Variants in PYGO1 observed in about 807,000 individuals in gnomAD.
The protein encoded by PYGO1 is pygopus family PHD finger 1.
A neutral mutation model predicts 29.5 loss-of-function variants in PYGO1; 6 were observed. The ratio of observed to expected loss-of-function variants is 0.20; its 90% CI spans 0.11 to 0.40. The LOEUF (loss-of-function observed/expected upper bound fraction) is 0.40. Ranked by LOEUF, PYGO1 falls within the 10% of genes least tolerant of loss-of-function variation. The pLI is 1.00. For missense variants in PYGO1, 515 were observed against 514.9 expected (o/e 1.00, Z 0.00); for synonymous variants, 186 against 180.5 (o/e 1.03, Z -0.24).
intron 1 of PYGO1, among the ~76,000 whole-genome samples, chr15:55,567,903 T>C (rs2058963880): frequency 6.6e-6 from 1 of 152,174 alleles, no homozygotes; most frequent in Non-Finnish European, 1.5e-5. Context: ...TGGCTACAAG[T>C]ATGTGGCTTT....
chr15:55,546,134 A>G lies in PYGO1; in HGVS notation c.1149T>C (p.Thr383=). 1 of 1,614,196 alleles carries G rather than the reference A, an allele frequency of 6.2e-7. No individual in the cohort carries two copies. The highest frequency in any genetic ancestry group is 8.5e-7 in the Non-Finnish European group (1 of 1,180,028). ...AGCCCCATACTGCAGATGCTTCTGC[A>G]GTTAAGAGGCCATAAGCTGTTTCAG... ...GMTETAYGLL[T]AEASAVWGCD... Residue 383 remains threonine, a synonymous_variant, in exon 3 of 3, where the codon ACT becomes ACC. Coordinates refer to ENST00000563719, the MANE Select transcript of PYGO1 (RefSeq NM_001367806.1).
chr15:55,549,003 A>G lies in PYGO1; in HGVS notation c.50-8T>C. On this transcript the variant is annotated splice_polypyrimidine_tract_variant and splice_region_variant and intron_variant, in intron 1 of 2. Transcript: ENST00000563719. ...CCAGTCCACTATCACCACCTAAAAA[A>G]AAAAAAATTCAGGTAATATTTCCCA... 1 of 1,594,976 alleles carries G rather than the reference A, an allele frequency of 6.3e-7. No homozygotes were observed. The highest frequency in any genetic ancestry group is 1.2e-5 in the South Asian group (1 of 86,400).
chr15:55,588,458 C>T (rs1436251173), upstream of PYGO1, among the ~76,000 whole-genome samples: 1 of 147,904 alleles, frequency 6.8e-6, no homozygotes, highest in Non-Finnish European at 1.5e-5. Context: ...CGGGGACGGG[C>T]TTCGGGGGGC....
intron 1 of PYGO1, among the ~76,000 whole-genome samples, chr15:55,574,192 T>C (rs2058991765): frequency 6.6e-6 from 1 of 152,206 alleles, no homozygotes; most frequent in Admixed American, 6.5e-5. Flanking sequence ...TGCAATTTAT[T>C]GGAGAAATGA....
intron 1 of PYGO1, among the ~76,000 whole-genome samples, chr15:55,585,744 A>G (rs1481605167): frequency 2.0e-5 from 3 of 152,236 alleles, no homozygotes; most frequent in Non-Finnish European, 4.4e-5. Context: ...ATTTAGAATT[A>G]AATTTGATTA....
chr15:55,544,642 A>C lies in PYGO1; in HGVS notation c.*1381T>G, dbSNP rs943686838. ...ATTGTTTCACTTGGGTTTAAATAAC[A>C]GTAATTATTTATCTCTTTCGTAGAT... On this transcript the variant is annotated 3_prime_UTR_variant, in exon 3 of 3. Coordinates refer to ENST00000563719, the MANE Select transcript of PYGO1 (RefSeq NM_001367806.1). 6.6e-6 allele frequency: 1 copy of C among 152,244 alleles called. No individual in the cohort carries two copies. Among genetic ancestry groups the C allele is most frequent in the East Asian group, 1.9e-4 (1 of 5,206 alleles). The allele number at this position is 152,244 out of a possible 1,614,324, so 9.4% of individuals were successfully genotyped here. A position where few individuals can be genotyped will look rare whatever the true frequency, so the allele number is the denominator to read the frequency against.
intron 1 of PYGO1, among the ~76,000 whole-genome samples, chr15:55,573,811 T>C (rs933437079): frequency 6.6e-6 from 1 of 152,228 alleles, no homozygotes; most frequent in Non-Finnish European, 1.5e-5. Context: ...ATATGTTATA[T>C]GTTGTATTAC....
rs2058818250 is a variant in PYGO1, at chr15:55,539,023, C to T, written c.*7000G>A. The T allele has an allele frequency of 1.3e-5, 2 of 152,136 alleles. No individual in the cohort carries two copies. Among genetic ancestry groups the T allele is most frequent in the South Asian group, 4.1e-4 (2 of 4,832 alleles). 9.4% of individuals were successfully genotyped at this position (152,136 alleles called of 1,614,324 possible). On this transcript the variant is annotated 3_prime_UTR_variant, in exon 3 of 3. Coordinates refer to ENST00000563719, the MANE Select transcript of PYGO1 (RefSeq NM_001367806.1). ...AATGGTAGGTCTATATACTGATAAACAACATTCCTTATACAACGCACAAAT... is the reference window on the plus strand; with the variant it reads ...AATGGTAGGTCTATATACTGATAAATAACATTCCTTATACAACGCACAAAT...
chr15:55,546,093 G>C lies in PYGO1; in HGVS notation c.1190C>G (p.Ala397Gly), dbSNP rs1361678317. 1.2e-6 allele frequency: 2 copies of C among 1,614,176 alleles called. No homozygotes were observed. The highest frequency in any genetic ancestry group is 1.7e-6 in the Non-Finnish European group (2 of 1,180,014). ...SAVWGCDTCMADKDVQLMRTR... is the reference protein window; with the variant it reads ...SAVWGCDTCMGDKDVQLMRTR... ...ACGCATTAACTGGACATCTTTGTCA[G>C]CCATACAGGTATCACAGCCCCATAC... The change falls in exon 3 of 3, where the codon GCT (alanine) becomes GGT (glycine). Residue 397 changes from alanine to glycine, a missense_variant. Physicochemically the swap from Ala to Gly is moderately conservative, Grantham distance 60. Transcript: ENST00000563719.
intron 1 of PYGO1, among the ~76,000 whole-genome samples, chr15:55,571,704 C>G (rs545222587): frequency 6.6e-6 from 1 of 152,254 alleles, no homozygotes; most frequent in African/African-American, 2.4e-5. Flanking sequence ...CTCTTTTTAT[C>G]TATAAATCAT....
chr15:55,578,191 CTGAT>C (rs1261249186), intron 1 of PYGO1, among the ~76,000 whole-genome samples: 1 of 152,162 alleles, frequency 6.6e-6, no homozygotes, highest in African/African-American at 2.4e-5. Context: ...CATTTTATGG[CTGAT>C]TAACATTCCA....
rs2058818890 is a variant in PYGO1, at chr15:55,539,166, C to G, written c.*6857G>C. The G allele has an allele frequency of 6.6e-6, 1 of 152,132 alleles. No homozygotes were observed. Among genetic ancestry groups the G allele is most frequent in the Non-Finnish European group, 1.5e-5 (1 of 68,004 alleles). 9.4% of individuals were successfully genotyped at this position (152,132 alleles called of 1,614,324 possible). A position where few individuals can be genotyped will look rare whatever the true frequency, so the allele number is the denominator to read the frequency against. On this transcript the variant is annotated 3_prime_UTR_variant, in exon 3 of 3. Transcript: ENST00000563719. The stretch of plus-strand genomic sequence containing the variant: ...AATAAAAAAACTAAAATGTAGATGA[C>G]AAATTAAACTCTTCCAATTTTAAAT...
intron 1 of PYGO1, among the ~76,000 whole-genome samples, chr15:55,566,824 G>C (rs528402412): frequency 6.6e-6 from 1 of 152,124 alleles, no homozygotes; most frequent in African/African-American, 2.4e-5. Flanking sequence ...TTGCCCTCCT[G>C]GGGTAAGGTG....
chr15:55,562,388 C>T (rs917765819), intron 1 of PYGO1, among the ~76,000 whole-genome samples: 1 of 152,150 alleles, frequency 6.6e-6, no homozygotes, highest in African/African-American at 2.4e-5. Flanking sequence ...TACATGCACA[C>T]TGGCTGAGCG....
At chr15:55,568,171 G>C (rs1307413326) in intron 1 of PYGO1, among the ~76,000 whole-genome samples, 3 of 152,098 alleles carry the variant, frequency 2.0e-5, no homozygotes, top group Non-Finnish European at 4.4e-5. Context: ...TGAGCAGTGT[G>C]GCTATTTTAA....
intron 1 of PYGO1, among the ~76,000 whole-genome samples, chr15:55,574,861 T>A (rs2141671968): frequency 6.6e-6 from 1 of 152,310 alleles, no homozygotes; most frequent in African/African-American, 2.4e-5. Context: ...ATAGTATATT[T>A]CAACAGTTAA....
chr15:55,548,990 C>T lies in PYGO1; in HGVS notation c.55G>A (p.Asp19Asn), dbSNP rs1595981247. The T allele has an allele frequency of 6.3e-7, 1 of 1,596,824 alleles. No homozygotes were observed. The highest frequency in any genetic ancestry group is 1.8e-5 in the Admixed American group (1 of 56,324). Residue 19 changes from aspartate to asparagine, a missense_variant, in exon 2 of 3, where the codon GAT becomes AAT. Transcript: ENST00000563719. ...CCTCCTAACCCATCCAGTCCACTAT[C>T]ACCACCTAAAAAAAAAAAAATTCAG... ...PISLKRVRGGDSGLDGLGGPG... is the reference protein window; with the variant it reads ...PISLKRVRGGNSGLDGLGGPG...
Position 55,546,091 on chromosome 15 carries a change from C to T in PYGO1, c.1192G>A (p.Asp398Asn). 7 of 1,614,146 alleles carry T rather than the reference C, an allele frequency of 4.3e-6. No individual in the cohort carries two copies. The highest frequency in any genetic ancestry group is 5.9e-6 in the Non-Finnish European group (7 of 1,180,016). ...AVWGCDTCMA[D>N]KDVQLMRTRE... ...GTACGCATTAACTGGACATCTTTGT[C>T]AGCCATACAGGTATCACAGCCCCAT... The change falls in exon 3 of 3, where the codon GAC (aspartate) becomes AAC (asparagine). Residue 398 changes from aspartate (D) to asparagine (N), a missense_variant. Asp to Asn is a conservative substitution (Grantham distance 23, BLOSUM62 1). Coordinates refer to ENST00000563719, the MANE Select transcript of PYGO1 (RefSeq NM_001367806.1).
chr15:55,547,012 G>T lies in PYGO1; in HGVS notation c.271C>A (p.Leu91Ile), dbSNP rs770278178. ...CCAAAGCCAGGATAACCAGGGCCAA[G>T]ATATGGATTTGACGAAGGTAGTGGT... Reference protein sequence around the residue: ...YKPLPSSNPYLGPGYPGFGGY... With the variant: ...YKPLPSSNPYIGPGYPGFGGY... The change falls in exon 3 of 3, where the codon CTT becomes ATT. Residue 91 changes from leucine (L) to isoleucine (I), a missense_variant. Leu to Ile is a conservative substitution (Grantham distance 5). Coordinates refer to ENST00000563719, the MANE Select transcript of PYGO1 (RefSeq NM_001367806.1). The T allele has an allele frequency of 6.2e-7, 1 of 1,614,038 alleles. No homozygotes were observed. The highest frequency in any genetic ancestry group is 2.2e-5 in the East Asian group (1 of 44,866).
Sources: allele counts gnomAD v4.1 joint callset (sites outside exome capture counted in the v4.1 genomes callset), GRCh38; gene constraint gnomAD v4.1.1; transcripts MANE v1.5; gene names NCBI Gene and HGNC (gene_info 2026-07-23, HGNC 2026-07-21).